Variants in RADIL observed in about 807,000 individuals in gnomAD.
RADIL encodes the protein ras-associating and dilute domain-containing protein.
RADIL carries 99 observed loss-of-function variants against 97.6 expected under a neutral mutation model. The observed-to-expected ratio is 1.01, with a 90% CI of 0.86 to 1.20. The LOEUF (loss-of-function observed/expected upper bound fraction) is 1.20. Among genes scored for constraint, RADIL ranks in the 50% most tolerant of loss-of-function variants. RADIL has a pLI of 0.00. For missense variants in RADIL, 1,765 were observed against 1,498.9 expected (o/e 1.18, Z -2.93); for synonymous variants, 803 against 691.8 (o/e 1.16, Z -2.52).
intron 2 of RADIL, chr7:4,861,112 C>T: frequency 1.2e-6 from 2 of 1,614,240 alleles, no homozygotes; most frequent in South Asian, 1.1e-5. Context: ...TATTGTGGCA[C>T]TTGGCCCACA....
At chr7:4,820,805 G>A (rs1016161266) in intron 6 of RADIL, among the ~76,000 whole-genome samples, 3 of 152,170 alleles carry the variant, frequency 2.0e-5, no homozygotes, top group Non-Finnish European at 2.9e-5. Flanking sequence ...CCCGGAGGCT[G>A]AGGACTGGGC....
chr7:4,854,851 T>C lies in RADIL; in HGVS notation c.536-18246A>G, dbSNP rs1035915626. Among the ~76,000 whole-genome samples, 8 of 152,036 alleles carry C rather than the reference T, an allele frequency of 5.3e-5. No homozygotes were observed. Among genetic ancestry groups the C allele is most frequent in the Non-Finnish European group, 1.2e-4 (8 of 68,008 alleles). ...TAAAAAGAATGCACTAGTTCCAGAG[T>C]CACATCAACCCTCCCAAGCACATCT... On this transcript the variant is annotated intron_variant, in intron 2 of 14. Transcript: ENST00000399583. This position sits in a 1 kb window ranked among gnomAD's most constrained non-coding sequence, Gnocchi z 5.1.
intron 5 of RADIL, among the ~76,000 whole-genome samples, chr7:4,823,331 CTTTTTT>C (rs60439750): frequency 7.7e-6 from 1 of 129,590 alleles, no homozygotes; most frequent in Admixed American, 7.8e-5. Context: ...TATTAAAAAC[CTTTTTT>C]TTTTTTTTTT....
At position 4,799,761 on chromosome 7, in the gene RADIL, G is replaced by A. The variant is rs370468118; in HGVS notation, c.2991C>T (p.His997=). ...GGATGTAGAGCCCGGGGGCGCCCAGGTGCGTGTGCTGGGGACAAGCAGAGG... is the reference window on the plus strand; with the variant it reads ...GGATGTAGAGCCCGGGGGCGCCCAGATGCGTGTGCTGGGGACAAGCAGAGG... The part of the protein sequence containing the change: ...GMGLIDGMHT[H]LGAPGLYIQT... Residue 997 remains histidine, a synonymous_variant, in exon 14 of 15, where the codon CAC becomes CAT. Transcript: ENST00000399583. The A allele has an allele frequency of 4.3e-4, 655 of 1,535,706 alleles. No individual in the cohort carries two copies. Among genetic ancestry groups the A allele is most frequent in the Non-Finnish European group, 5.3e-4 (606 of 1,146,450 alleles).
In RADIL at chr7:4,883,693, T is replaced by A. The variant is rs1214548123; in HGVS notation, c.-162A>T. 1.3e-5 allele frequency: 2 copies of A among 151,828 alleles called. No homozygotes were observed. Among genetic ancestry groups the A allele is most frequent in the South Asian group, 2.1e-4 (1 of 4,836 alleles). The allele number at this position is 151,828 out of a possible 1,614,324, so 9.4% of individuals were successfully genotyped here. ...GACCCGCGCGTGCCGCGGCGCCTCC[T>A]GCCGGCGGCGCAACGGGCGGGGCGG... On this transcript the variant is annotated 5_prime_UTR_variant, in exon 1 of 15. Transcript: ENST00000399583. This position sits in a 1 kb window ranked among gnomAD's most constrained non-coding sequence, Gnocchi z 7.1.
intron 13 of RADIL, 95 bp from the exon 14 acceptor site, chr7:4,799,864 C>T (rs547544628): frequency 3.4e-5 from 49 of 1,423,298 alleles, no homozygotes; most frequent in South Asian, 3.3e-4. Context: ...TACAGGCCCC[C>T]GCCTGGCATC....
intron 4 of RADIL, among the ~76,000 whole-genome samples, chr7:4,832,718 G>A (rs1241534264): frequency 2.3e-5 from 3 of 130,704 alleles, no homozygotes; most frequent in African/African-American, 8.9e-5. Flanking sequence ...CAGCCTGGGT[G>A]ACAGAGCGAG....
chr7:4,868,076 T>C (rs1344885031), intron 2 of RADIL, among the ~76,000 whole-genome samples: 1 of 152,176 alleles, frequency 6.6e-6, no homozygotes, highest in African/African-American at 2.4e-5. Context: ...GTGTTTTTTT[T>C]TTCTGAGATG....
intron 2 of RADIL, chr7:4,857,822 C>T (rs1046263149): frequency 2.0e-5 from 3 of 152,468 alleles, no homozygotes; most frequent in Non-Finnish European, 4.4e-5. Context: ...ACCAGGAGTA[C>T]AGATACCATA....
intron 9 of RADIL, chr7:4,808,840 G>A (rs1298191720): frequency 1.1e-6 from 1 of 906,014 alleles, no homozygotes; most frequent in African/African-American, 2.6e-5. Flanking sequence ...GCCCCTCCGC[G>A]TCTCCTTCCA....
intron 2 of RADIL, among the ~76,000 whole-genome samples, chr7:4,866,662 C>A (rs1186555453): frequency 2.6e-5 from 4 of 152,164 alleles, no homozygotes; most frequent in Non-Finnish European, 4.4e-5. Context: ...CACTGCAATG[C>A]CTTTTGATTT....
chr7:4,800,403 T>TCCCATCCCTGACGCCCTA, intron 12 of RADIL, 93 bp from the exon 13 acceptor site: 1 of 1,304,990 alleles, frequency 7.7e-7, no homozygotes, highest in Non-Finnish European at 1.0e-6. Context: ...CTGTAGGGCG[T>TCCCATCCCTGACGCCCTA]CAGGGATGGG....
intron 6 of RADIL, among the ~76,000 whole-genome samples, chr7:4,820,825 T>C (rs761011520): frequency 2.0e-5 from 3 of 152,124 alleles, no homozygotes; most frequent in African/African-American, 4.8e-5. Flanking sequence ...CCCCGACGCA[T>C]TGTGGGAGCC....
Position 4,859,959 on chromosome 7 carries a change from T to C in RADIL, c.535+17646A>G, listed in dbSNP as rs751136080. On this transcript the variant is annotated intron_variant, in intron 2 of 14. Transcript: ENST00000399583. Reference sequence around the variant, plus strand: ...AGGTCTGGATGGCTTATGAGACATGTTGAAGAAACAACTCTGGCGACCATG... The same window carrying C: ...AGGTCTGGATGGCTTATGAGACATGCTGAAGAAACAACTCTGGCGACCATG... 12 of 1,613,896 alleles carry C rather than the reference T, an allele frequency of 7.4e-6. No homozygotes were observed. Among genetic ancestry groups the C allele is most frequent in the African/African-American group, 4.0e-5 (3 of 74,936 alleles).
intron 9 of RADIL, among the ~76,000 whole-genome samples, chr7:4,812,954 C>T (rs1246367006): frequency 6.6e-6 from 1 of 152,114 alleles, no homozygotes; most frequent in Non-Finnish European, 1.5e-5. Flanking sequence ...AACTGCAGCC[C>T]ACAGGTTTGG....
intron 2 of RADIL, among the ~76,000 whole-genome samples, chr7:4,843,639 C>T (rs951813235): frequency 7.9e-5 from 12 of 152,124 alleles, no homozygotes; most frequent in African/African-American, 2.2e-4. Context: ...AGGCTGGGTG[C>T]GGTGGCTCAT....
At position 4,817,392 on chromosome 7, in the gene RADIL, G is replaced by A; in HGVS notation, c.1616-41C>T. 4 of 1,566,690 alleles carry A rather than the reference G, an allele frequency of 2.6e-6. No individual in the cohort carries two copies. Among genetic ancestry groups the A allele is most frequent in the Admixed American group, 1.7e-5 (1 of 57,800 alleles). The stretch of plus-strand genomic sequence containing the variant: ...CACGCCAATGGTCACAACGGGCACA[G>A]CGCTCAGGAACGCAGCAACTCAGCC... On this transcript the variant is annotated intron_variant, in intron 6 of 14. Transcript: ENST00000399583. The surrounding 1 kb of genome is among the most constrained non-coding windows in gnomAD (Gnocchi z 8.3).
chr7:4,838,730 C>T (rs1398335297), intron 2 of RADIL, among the ~76,000 whole-genome samples: 1 of 152,242 alleles, frequency 6.6e-6, no homozygotes, highest in Non-Finnish European at 1.5e-5. Context: ...GGCCTCTCCT[C>T]TGGGCGGTGG....
chr7:4,806,984 C>G (rs1298076898), intron 9 of RADIL, among the ~76,000 whole-genome samples: 1 of 152,164 alleles, frequency 6.6e-6, no homozygotes, highest in Non-Finnish European at 1.5e-5. Context: ...TTGCTGTAAG[C>G]CCACTCTTGG....
Sources: allele counts gnomAD v4.1 joint callset (sites outside exome capture counted in the v4.1 genomes callset), GRCh38; gene constraint gnomAD v4.1.1; non-coding constraint Gnocchi (gnomAD v3.1); transcripts MANE v1.5; gene names NCBI Gene and HGNC (gene_info 2026-07-23, HGNC 2026-07-21).